Variants in MAPKAPK5 observed in about 807,000 individuals in gnomAD.
MAPKAPK5 encodes the protein MAP kinase-activated protein kinase 5.
MAPKAPK5 carries 30 observed loss-of-function variants against 65.1 expected under a neutral mutation model. The observed-to-expected ratio is 0.46, with a 90% CI of 0.34 to 0.63. The LOEUF is 0.63. Among genes scored for constraint, MAPKAPK5 ranks in the 20% least tolerant of loss-of-function variants. The pLI is 0.01. For missense variants in MAPKAPK5, 433 were observed against 581.4 expected (o/e 0.74, Z 2.63); for synonymous variants, 179 against 204.6 (o/e 0.87, Z 1.07).
At chr12:111,867,807 C>A in intron 4 of MAPKAPK5, 138 bp downstream of exon 4, 1 of 658,236 alleles carries the variant, frequency 1.5e-6, no homozygotes, top group Non-Finnish European at 2.7e-6. Flanking sequence ...TCCTTCTCCC[C>A]CTCCATCTCC....
Position 111,897,521 on chromosome 12 carries a change from A to T in MAPKAPK5, c.*4460A>T, listed in dbSNP as rs1039214408. On this transcript the variant is annotated 3_prime_UTR_variant, in exon 14 of 14. Coordinates refer to ENST00000550735, the MANE Select transcript of MAPKAPK5 (RefSeq NM_003668.4). ...TTCTTTTATCCCACCAAATGGCTTA[A>T]CCTAATTTGCGCTGCCTATTTTGGT... The T allele has an allele frequency of 6.6e-6, 1 of 152,216 alleles. No individual in the cohort carries two copies. Among genetic ancestry groups the T allele is most frequent in the Non-Finnish European group, 1.5e-5 (1 of 68,030 alleles). The allele number at this position is 152,216 out of a possible 1,614,324, so 9.4% of individuals were successfully genotyped here. A position where few individuals can be genotyped will look rare whatever the true frequency, so the allele number is the denominator to read the frequency against.
rs1377100398 is a variant in MAPKAPK5 at position 111,897,318 on chromosome 12, G to C, written c.*4257G>C. ...GTATTCATTTGAGAAAAAATGAGTT[G>C]AAGAAATGGTAATTGTTGGTCAAAG... On this transcript the variant is annotated 3_prime_UTR_variant, in exon 14 of 14. Coordinates refer to ENST00000550735, the MANE Select transcript of MAPKAPK5 (RefSeq NM_003668.4). The C allele has an allele frequency of 6.6e-6, 1 of 152,168 alleles. No homozygotes were observed. The highest frequency in any genetic ancestry group is 1.5e-5 in the Non-Finnish European group (1 of 68,028). The allele number at this position is 152,168 out of a possible 1,614,324, so 9.4% of individuals were successfully genotyped here. A position where few individuals can be genotyped will look rare whatever the true frequency, so the allele number is the denominator to read the frequency against.
At chr12:111,885,882 G>C (rs1447875541) in intron 9 of MAPKAPK5, 34 bp from the exon 10 acceptor site, 2 of 1,613,564 alleles carry the variant, frequency 1.2e-6, no homozygotes, top group Non-Finnish European at 1.7e-6. Context: ...GGTAGCAACT[G>C]TGCATGGCAG....
chr12:111,874,512 C>T (rs2069892781), intron 7 of MAPKAPK5, among the ~76,000 whole-genome samples: 1 of 139,564 alleles, frequency 7.2e-6, no homozygotes, highest in African/African-American at 2.7e-5. Flanking sequence ...CTCTTTGTTG[C>T]CCAGGCTGGA....
chr12:111,853,233 G>A (rs1035967973), intron 1 of MAPKAPK5, among the ~76,000 whole-genome samples: 1 of 151,908 alleles, frequency 6.6e-6, no homozygotes, highest in Non-Finnish European at 1.5e-5. Flanking sequence ...CTAGCCAGGC[G>A]TGGTGGCAAG....
At chr12:111,855,853 CTTTTTT>C (rs144921229) in intron 1 of MAPKAPK5, among the ~76,000 whole-genome samples, 4 of 135,746 alleles carry the variant, frequency 2.9e-5, no homozygotes, top group Admixed American at 7.4e-5. Context: ...TGTTTAATTT[CTTTTTT>C]TTTTTTTTTT....
intron 1 of MAPKAPK5, among the ~76,000 whole-genome samples, chr12:111,864,358 G>A (rs1416251354): frequency 1.3e-5 from 2 of 152,048 alleles, no homozygotes; most frequent in Non-Finnish European, 2.9e-5. Flanking sequence ...GCGCCACCAC[G>A]CCCAGCTAAT....
chr12:111,876,289 T>A (rs947115043), intron 7 of MAPKAPK5, among the ~76,000 whole-genome samples: 2 of 149,324 alleles, frequency 1.3e-5, no homozygotes, highest in African/African-American at 4.9e-5. Flanking sequence ...GAAACAGAAA[T>A]CCCAACAATT....
chr12:111,885,754 C>T, intron 9 of MAPKAPK5, 162 bp from the exon 10 acceptor site: 1 of 760,332 alleles, frequency 1.3e-6, no homozygotes, highest in Non-Finnish European at 2.1e-6. Context: ...AGTACCCCTA[C>T]AAGTGGTTGG....
chr12:111,901,089 A>G lies in MAPKAPK5; in HGVS notation c.*8028A>G. On this transcript the variant is annotated 3_prime_UTR_variant, in exon 14 of 14. Coordinates refer to ENST00000550735, the MANE Select transcript of MAPKAPK5 (RefSeq NM_003668.4). ...ACCAAAAATCAATCTCCAACATACA[A>G]TGATTCAGGTCCCTCAGGGAGATGG... 1 of 456,088 alleles carries G rather than the reference A, an allele frequency of 2.2e-6. No individual in the cohort carries two copies. Among genetic ancestry groups the G allele is most frequent in the Non-Finnish European group, 4.4e-6 (1 of 226,800 alleles). 28.3% of individuals were successfully genotyped at this position (456,088 alleles called of 1,614,324 possible). A position where few individuals can be genotyped will look rare whatever the true frequency, so the allele number is the denominator to read the frequency against.
intron 7 of MAPKAPK5, chr12:111,879,375 A>G (rs536835364): frequency 1.4e-5 from 2 of 146,064 alleles, no homozygotes; most frequent in Admixed American, 6.8e-5. Flanking sequence ...CTGCATGGAG[A>G]CTTTAGAGTA....
In MAPKAPK5 at chr12:111,900,266, G is replaced by A. The variant is rs1392055883; in HGVS notation, c.*7205G>A. ...ATCACCCTGGACAGAATATGGGCCA[G>A]GCCTTTCTCAGTGGTGCCTGCTCAA... On this transcript the variant is annotated 3_prime_UTR_variant, in exon 14 of 14. Transcript: ENST00000550735. 1 of 456,050 alleles carries A rather than the reference G, an allele frequency of 2.2e-6. No homozygotes were observed. Among genetic ancestry groups the A allele is most frequent in the South Asian group, 1.5e-5 (1 of 64,552 alleles). 28.3% of individuals were successfully genotyped at this position (456,050 alleles called of 1,614,324 possible).
In MAPKAPK5 at chr12:111,894,791, T is replaced by TGTGTGTGTGTGTGTGA. The variant is rs58268114; in HGVS notation, c.*1731_*1732insTGTGTGTGTGTGTGAG. 4 of 151,444 alleles carry TGTGTGTGTGTGTGTGA rather than the reference T, an allele frequency of 2.6e-5. No individual in the cohort carries two copies. Among genetic ancestry groups the TGTGTGTGTGTGTGTGA allele is most frequent in the African/African-American group, 7.3e-5 (3 of 41,030 alleles). The allele number at this position is 151,444 out of a possible 1,614,324, so 9.4% of individuals were successfully genotyped here. On this transcript the variant is annotated 3_prime_UTR_variant, in exon 14 of 14. Coordinates refer to ENST00000550735, the MANE Select transcript of MAPKAPK5 (RefSeq NM_003668.4). ...ATGTGTGTGTGTGTGTGTGTGTGTG[T>TGTGTGTGTGTGTGTGA]GAAGCAGTTTTTGGTGGGTACTTAC...
chr12:111,873,499 A>G (rs1336554814), intron 7 of MAPKAPK5, among the ~76,000 whole-genome samples: 1 of 152,030 alleles, frequency 6.6e-6, no homozygotes, highest in African/African-American at 2.4e-5. Context: ...GCCCGCCACC[A>G]TGTCCGGCTA....
At chr12:111,866,007 C>T in intron 2 of MAPKAPK5, 149 bp from the exon 3 acceptor site, 1 of 612,658 alleles carries the variant, frequency 1.6e-6, no homozygotes, top group Non-Finnish European at 2.8e-6. Context: ...GCTTCTTTCC[C>T]CCACCTGCTA....
In MAPKAPK5 at chr12:111,868,626, AC is replaced by A. The variant is rs1449478574; in HGVS notation, c.285-126del. ...GCTCTTAGTAACTGTGTTACCCTGG[AC>A]TTAGGAAGTTGTTACACACTTTGTA... On this transcript the variant is annotated intron_variant, in intron 4 of 13. Transcript: ENST00000550735. The A allele has an allele frequency of 2.0e-5, 14 of 712,448 alleles. No homozygotes were observed. The East Asian group carries it at 3.9e-4, about 20-fold the overall frequency. The allele number at this position is 712,448 out of a possible 1,614,324, so 44.1% of individuals were successfully genotyped here. A position where few individuals can be genotyped will look rare whatever the true frequency, so the allele number is the denominator to read the frequency against.
chr12:111,860,844 C>T (rs2069414168), intron 1 of MAPKAPK5, among the ~76,000 whole-genome samples: 1 of 151,514 alleles, frequency 6.6e-6, no homozygotes, highest in African/African-American at 2.4e-5. Flanking sequence ...GCTGTGAATA[C>T]AAGAATTTCT....
intron 11 of MAPKAPK5, 88 bp downstream of exon 11, chr12:111,888,706 C>T: frequency 6.4e-7 from 1 of 1,567,492 alleles, no homozygotes; most frequent in Non-Finnish European, 8.6e-7. Flanking sequence ...ACTTGCTCAG[C>T]TAGGGGTCTT....
At chr12:111,889,065 G>C in intron 12 of MAPKAPK5, 65 bp downstream of exon 12, 1 of 1,504,936 alleles carries the variant, frequency 6.6e-7, no homozygotes, top group South Asian at 1.2e-5. Flanking sequence ...GGGGTGGGTG[G>C]GTGTATGCAT....
Sources: allele counts gnomAD v4.1 joint callset (sites outside exome capture counted in the v4.1 genomes callset), GRCh38; gene constraint gnomAD v4.1.1; transcripts MANE v1.5; gene names NCBI Gene and HGNC (gene_info 2026-07-23, HGNC 2026-07-21).